The following LOXHD1 variants were observed in gnomAD, a reference collection of about 807,000 sequenced individuals.
LOXHD1 encodes lipoxygenase homology PLAT domains 1.
In LOXHD1, 205 loss-of-function variants were observed where a neutral mutation model predicts 248.2. That is an observed-to-expected ratio of 0.83 (90% CI 0.74 to 0.93). The LOEUF is 0.93. Among genes scored for constraint, LOXHD1 ranks in the 40% least tolerant of loss-of-function variants. LOXHD1 has a pLI of 0.00. For missense variants in LOXHD1, 2,930 were observed against 2,971.6 expected (o/e 0.99, Z 0.33); for synonymous variants, 1,113 against 1,162.8 (o/e 0.96, Z 0.87).
chr18:46,597,828 C>T (rs958903530), intron 8 of LOXHD1, among the ~76,000 whole-genome samples: 9 of 151,712 alleles, frequency 5.9e-5, no homozygotes, highest in African/African-American at 1.7e-4. Context: ...GCAATCTCAG[C>T]GCACTGCAAG....
intron 37 of LOXHD1, among the ~76,000 whole-genome samples, chr18:46,491,918 C>T (rs534544196): frequency 1.1e-4 from 16 of 152,202 alleles, no homozygotes; most frequent in Non-Finnish European, 2.4e-4. Flanking sequence ...CCCCCTTTCC[C>T]CCGTCCTCTC....
At position 46,591,961 on chromosome 18, in the gene LOXHD1, T is replaced by G. The variant is rs1409127177; in HGVS notation, c.1626A>C (p.Glu542Asp). Residue 542 changes from glutamate to aspartate, a missense_variant, in exon 12 of 41, where the codon GAA (glutamate) becomes GAC (aspartate). Coordinates refer to ENST00000642948, the MANE Select transcript of LOXHD1 (RefSeq NM_001384474.1). ...CCATGATCCTGCGCACTGTTGGGCCTTCTGCAGTCATTTCCCTCACTATCT... is the reference window on the plus strand; with the variant it reads ...CCATGATCCTGCGCACTGTTGGGCCGTCTGCAGTCATTTCCCTCACTATCT... ...DNEIVREMTA[E>D]GPTVRRIMGM... 6.4e-7 allele frequency: 1 copy of G among 1,551,954 alleles called. No homozygotes were observed. Among genetic ancestry groups the G allele is most frequent in the Non-Finnish European group, 8.7e-7 (1 of 1,147,022 alleles).
intron 21 of LOXHD1, among the ~76,000 whole-genome samples, chr18:46,554,323 G>A (rs1323472009): frequency 6.6e-6 from 1 of 152,204 alleles, no homozygotes; most frequent in Admixed American, 6.5e-5. Context: ...CATGTCAACA[G>A]TGAGGGAGAT....
chr18:46,530,735 G>T (rs1201954270), intron 28 of LOXHD1, among the ~76,000 whole-genome samples: 1 of 152,128 alleles, frequency 6.6e-6, no homozygotes, highest in African/African-American at 2.4e-5. Flanking sequence ...CCACAGCAGG[G>T]TTCCCATGAT....
chr18:46,505,266 T>C (rs1381804969), intron 37 of LOXHD1, among the ~76,000 whole-genome samples: 2 of 151,984 alleles, frequency 1.3e-5, no homozygotes, highest in Non-Finnish European at 2.9e-5. Flanking sequence ...ACTGCAGCCA[T>C]GACCTCCTGG....
chr18:46,610,799 A>C lies in LOXHD1; in HGVS notation c.736T>G (p.Ser246Ala). The stretch of plus-strand genomic sequence containing the variant: ...ACCTGGGACAGGAACCAACCTGCAG[A>C]GCCCCCCTTATTGTTGTGGCCAACA... ...INVGHNNKGG[S>A]AGWFLSQIVI... Residue 246 changes from serine (S) to alanine (A), a missense_variant, in exon 6 of 41, where the codon TCT becomes GCT. Coordinates refer to ENST00000642948, the MANE Select transcript of LOXHD1 (RefSeq NM_001384474.1). 1 of 1,551,564 alleles carries C rather than the reference A, an allele frequency of 6.4e-7. No homozygotes were observed. Among genetic ancestry groups the C allele is most frequent in the African/African-American group, 1.4e-5 (1 of 73,148 alleles).
At chr18:46,552,306 A>C (rs1473927757) in intron 21 of LOXHD1, among the ~76,000 whole-genome samples, 1 of 152,238 alleles carries the variant, frequency 6.6e-6, no homozygotes, top group Non-Finnish European at 1.5e-5. Context: ...ACTAGCATTA[A>C]ACAGGCTTTC....
chr18:46,505,929 C>G lies in LOXHD1; in HGVS notation c.5787G>C (p.Lys1929Asn). The change falls in exon 37 of 41, where the codon AAG (lysine) becomes AAC (asparagine). Residue 1929 changes from lysine to asparagine, a missense_variant. Physicochemically the swap from Lys to Asn is moderately conservative, Grantham distance 94. Coordinates refer to ENST00000642948, the MANE Select transcript of LOXHD1 (RefSeq NM_001384474.1). ...ATGTGTCCGTGTTGTTCCGCTCAAA[C>G]TTGTTCCAGTTTGCCGACTGCTTCA... ...LALKQSANWNKFERNNTDTFN... is the reference protein window; with the variant it reads ...LALKQSANWNNFERNNTDTFN... 1 of 1,552,066 alleles carries G rather than the reference C, an allele frequency of 6.4e-7. No homozygotes were observed. Among genetic ancestry groups the G allele is most frequent in the South Asian group, 1.2e-5 (1 of 84,056 alleles).
At position 46,523,478 on chromosome 18, in the gene LOXHD1, T is replaced by C. The variant is rs1393040102; in HGVS notation, c.4876+988A>G. 4.6e-5 allele frequency among the ~76,000 whole-genome samples: 7 copies of C among 152,326 alleles called. No individual in the cohort carries two copies. The South Asian group carries it at 1.4e-3, about 32-fold the overall frequency. ...ATATTAGTCCCAGGTGGCCTACCTT[T>C]GGACTTTTATGTGAGTGAAAAGAAA... is the stretch of plus-strand genomic sequence containing the variant. On this transcript the variant is annotated intron_variant, in intron 31 of 40. Coordinates refer to ENST00000642948, the MANE Select transcript of LOXHD1 (RefSeq NM_001384474.1).
At chr18:46,542,285 GC>G (rs2036595625) in intron 24 of LOXHD1, among the ~76,000 whole-genome samples, 1 of 152,176 alleles carries the variant, frequency 6.6e-6, no homozygotes, top group Admixed American at 6.5e-5. Context: ...ACTCAGGGAT[GC>G]CAGGAAGAGC....
chr18:46,533,293 C>T lies in LOXHD1; in HGVS notation c.4244G>A (p.Arg1415Gln), dbSNP rs374728484. 1.3e-4 allele frequency: 199 copies of T among 1,551,786 alleles called. No homozygotes were observed. In the African/African-American group the frequency reaches 2.3e-3, roughly 18 times the overall value. The change falls in exon 28 of 41, where the codon CGG becomes CAG. Residue 1415 changes from arginine (R) to glutamine (Q), a missense_variant. Physicochemically the swap from Arg to Gln is conservative, Grantham distance 43 (BLOSUM62 1). Transcript: ENST00000642948. ...GTCATCCTCAGAGGTGGCAAGCCAC[C>T]GATCGCATGGGAAAGTCAAGGTCTC... ...GAETLTFPCD[R>Q]WLATSEDDKK...
chr18:46,558,925 C>A (rs374544237), intron 20 of LOXHD1: 1 of 364,552 alleles, frequency 2.7e-6, no homozygotes, highest in Non-Finnish European at 5.4e-6. Flanking sequence ...AGCTTATCCA[C>A]TGGGGCTTAG....
chr18:46,550,841 A>G (rs1181725168), intron 21 of LOXHD1, among the ~76,000 whole-genome samples: 2 of 152,142 alleles, frequency 1.3e-5, no homozygotes, highest in African/African-American at 2.4e-5. Flanking sequence ...CAACTTGAGC[A>G]TTATTCTCAA....
intron 12 of LOXHD1, among the ~76,000 whole-genome samples, chr18:46,584,323 A>T (rs1402914992): frequency 1.3e-5 from 2 of 152,134 alleles, no homozygotes; most frequent in East Asian, 3.8e-4. Flanking sequence ...ATTATACAGT[A>T]TAATGACTAT....
chr18:46,566,396 G>A lies in LOXHD1; in HGVS notation c.2298C>T (p.Phe766=). The stretch of plus-strand genomic sequence containing the variant: ...GCACACGGATCTGAACGCTGCCCAG[G>A]AACCAGCTGGCATGCATGCCAGTGC... The part of the protein sequence containing the change: ...HDSTGMHASW[F]LGSVQIRVPR... The change falls in exon 17 of 41, where the codon TTC becomes TTT. Residue 766 remains phenylalanine (F), a synonymous_variant. Coordinates refer to ENST00000642948, the MANE Select transcript of LOXHD1 (RefSeq NM_001384474.1). 1 of 1,551,444 alleles carries A rather than the reference G, an allele frequency of 6.4e-7. No homozygotes were observed. Among genetic ancestry groups the A allele is most frequent in the South Asian group, 1.2e-5 (1 of 84,056 alleles).
intron 7 of LOXHD1, among the ~76,000 whole-genome samples, chr18:46,603,820 C>T (rs2038374246): frequency 6.6e-6 from 1 of 152,236 alleles, no homozygotes; most frequent in South Asian, 2.1e-4. Context: ...TCCTGGGAAA[C>T]ATCCATGCTT....
At chr18:46,638,667 T>G (rs328199) in intron 4 of LOXHD1, among the ~76,000 whole-genome samples, 100,244 of 152,028 alleles carry the variant, frequency 0.66, 33,357 homozygotes, top group East Asian at 0.89. Context: ...AAAAATAAAA[T>G]AATCAATGAA....
chr18:46,582,278 A>C (rs933474530), intron 12 of LOXHD1, among the ~76,000 whole-genome samples: 2 of 152,222 alleles, frequency 1.3e-5, no homozygotes, highest in African/African-American at 4.8e-5. Context: ...AGCATGAAGG[A>C]AGGGGAAGAG....
intron 29 of LOXHD1, among the ~76,000 whole-genome samples, chr18:46,527,290 G>A (rs1395541023): frequency 6.6e-6 from 1 of 152,152 alleles, no homozygotes; most frequent in African/African-American, 2.4e-5. Context: ...GGACCTCTCA[G>A]CTGAATGCTG....
Sources: gnomAD v4.1 joint callset for allele counts (sites outside exome capture counted in the v4.1 genomes callset) on GRCh38, gnomAD v4.1.1 for gene constraint, MANE v1.5 for transcripts, NCBI Gene and HGNC (gene_info 2026-07-23, HGNC 2026-07-21) for gene names.